The following TRIM49 variants were observed in gnomAD, a reference collection of about 807,000 sequenced individuals.
TRIM49 encodes tripartite motif containing 49.
TRIM49 carries 5 observed loss-of-function variants against 27.4 expected under a neutral mutation model. The observed-to-expected ratio is 0.18, with a 90% confidence interval of 0.10 to 0.38. TRIM49 has a LOEUF of 0.38. TRIM49 is among the 10% of genes least tolerant of loss of function. TRIM49 has a pLI of 1.00. For missense variants in TRIM49, 188 were observed against 487.5 expected, an observed-to-expected ratio of 0.39 and a Z score of 5.79; for synonymous variants, 69 against 166.0, an observed-to-expected ratio of 0.42 and a Z score of 4.49.
intron 1 of TRIM49, 63 bp downstream of exon 1, chr11:89,808,374 C>T (rs1284780071): frequency 2.0e-5 from 3 of 149,196 alleles, no homozygotes; most frequent in Non-Finnish European, 4.4e-5. Context: ...AAAGCAGAAC[C>T]CATAAGATAT....
chr11:89,798,266 C>A lies in TRIM49; in HGVS notation c.1223G>T (p.Arg408Leu), dbSNP rs756095582. The change falls in exon 8 of 8, where the codon CGA (arginine) becomes CTA (leucine). Residue 408 changes from arginine to leucine, a missense_variant. Arg to Leu is a moderately radical substitution (Grantham distance 102). This residue lies in a region of TRIM49 where 94 missense variants were observed against 149.6 expected (regional missense o/e 0.63). Coordinates refer to ENST00000329758, the MANE Select transcript of TRIM49 (RefSeq NM_020358.2). ...MLQYIPKPTS[R>L]VGLFLDCEAK... is the part of the protein sequence containing the mutation. ...CTCACAATCCAGGAATAATCCTACT[C>A]GGCTGGTAGGTTTTGGGATATATTG... The A allele has an allele frequency of 1.3e-5, 20 of 1,576,956 alleles. 1 individual carries two copies. Among genetic ancestry groups the A allele is most frequent in the Non-Finnish European group, 1.6e-5 (19 of 1,168,528 alleles).
rs1429399192 is a variant in TRIM49 at position 89,807,254 on chromosome 11, G to A, written c.-160C>T. The stretch of plus-strand genomic sequence containing the variant: ...GTCCTTCTCCTTCAGAGAAAACTGA[G>A]CTTGTCTCTTCCGTGTCCTTTTATA... On this transcript the variant is annotated 5_prime_UTR_variant, in exon 2 of 8. Coordinates refer to ENST00000329758, the MANE Select transcript of TRIM49 (RefSeq NM_020358.2). 2 of 152,174 alleles carry A rather than the reference G, an allele frequency of 1.3e-5. No individual in the cohort carries two copies. Among genetic ancestry groups the A allele is most frequent in the Admixed American group, 1.3e-4 (2 of 15,236 alleles). The allele number at this position is 152,174 out of a possible 1,614,324, so 9.4% of individuals were successfully genotyped here.
chr11:89,790,336 C>T, the TRIM49 span, among the ~76,000 whole-genome samples: 81 of 143,836 alleles, frequency 5.6e-4, no homozygotes, highest in East Asian at 1.6e-3. Context: ...GGGGGCAGGG[C>T]ATAGCTGAAC....
At chr11:89,799,988 A>T (rs1372579383) in intron 6 of TRIM49, among the ~76,000 whole-genome samples, 175 bp from the exon 7 acceptor site, 1 of 151,124 alleles carries the variant, frequency 6.6e-6, no homozygotes, top group Non-Finnish European at 1.5e-5. Flanking sequence ...TTAAAGCATG[A>T]TGGAAGAATC....
chr11:89,807,858 A>G (rs1452723281), intron 1 of TRIM49, among the ~76,000 whole-genome samples: 2 of 147,904 alleles, frequency 1.4e-5, no homozygotes, highest in Non-Finnish European at 3.0e-5. Context: ...TAGTACATTT[A>G]TAGGATATTT....
the TRIM49 span, among the ~76,000 whole-genome samples, chr11:89,770,197 T>C: frequency 8.4e-6 from 1 of 119,154 alleles, no homozygotes; most frequent in Non-Finnish European, 1.6e-5. Flanking sequence ...TTACCTTCAG[T>C]ATTCTGAGTA....
intron 2 of TRIM49, among the ~76,000 whole-genome samples, chr11:89,805,134 T>C (rs1294744752): frequency 6.6e-6 from 1 of 151,700 alleles, no homozygotes; most frequent in African/African-American, 2.4e-5. Context: ...GTTTCACTAG[T>C]AGGGAAAAGA....
the TRIM49 span, among the ~76,000 whole-genome samples, chr11:89,768,506 A>G: frequency 2.1e-4 from 28 of 134,566 alleles, no homozygotes; most frequent in East Asian, 3.4e-3. Context: ...TTGCCACCAA[A>G]TAGTTGATCT....
chr11:89,777,843 A>G, the TRIM49 span: 2 of 490,834 alleles, frequency 4.1e-6, no homozygotes, highest in East Asian at 4.0e-5. Context: ...TCTTTCAATT[A>G]CAGCCTTTTT....
intron 4 of TRIM49, among the ~76,000 whole-genome samples, chr11:89,802,888 G>T (rs1949750251): frequency 6.7e-6 from 1 of 149,182 alleles, no homozygotes; most frequent in East Asian, 2.0e-4. Context: ...TTGACAATTT[G>T]ACTCTCTTAT....
chr11:89,770,641 C>T, the TRIM49 span, among the ~76,000 whole-genome samples: 1 of 141,428 alleles, frequency 7.1e-6, no homozygotes. Context: ...GGGCGGATCA[C>T]GACGTCAGGA....
the TRIM49 span, among the ~76,000 whole-genome samples, chr11:89,790,668 A>C: frequency 2.3e-3 from 353 of 151,922 alleles, no homozygotes; most frequent in Non-Finnish European, 2.5e-3. Context: ...GAAAACTCCA[A>C]CAGACCTGCA....
chr11:89,777,546 A>G, the TRIM49 span, among the ~76,000 whole-genome samples: 2 of 147,278 alleles, frequency 1.4e-5, no homozygotes, highest in African/African-American at 5.1e-5. Context: ...TTGCTGGCTA[A>G]TTTGGCACTC....
At chr11:89,791,302 G>A in the TRIM49 span, among the ~76,000 whole-genome samples, 623 of 152,124 alleles carry the variant, frequency 4.1e-3, no homozygotes, top group African/African-American at 0.014. Context: ...GTATGGATAC[G>A]AGTTGGAAAA....
the TRIM49 span, among the ~76,000 whole-genome samples, chr11:89,770,722 T>C: frequency 4.3e-5 from 6 of 140,348 alleles, no homozygotes; most frequent in Admixed American, 3.5e-4. Flanking sequence ...AAAAATTAGC[T>C]GGGCGTGGTG....
chr11:89,774,002 T>C, the TRIM49 span, among the ~76,000 whole-genome samples: 28 of 130,094 alleles, frequency 2.2e-4, 1 homozygote, highest in Admixed American at 1.9e-3. Flanking sequence ...AAAATATTTC[T>C]TTTTTTTTTT....
At chr11:89,800,116 C>T in intron 6 of TRIM49, among the ~76,000 whole-genome samples, 1 of 150,464 alleles carries the variant, frequency 6.6e-6, no homozygotes, top group Non-Finnish European at 1.5e-5. Context: ...CACTTCTTGG[C>T]AGACTCCCCT....
At chr11:89,803,999 T>C in intron 3 of TRIM49, 60 bp downstream of exon 3, 2 of 1,611,468 alleles carry the variant, frequency 1.2e-6, no homozygotes, top group South Asian at 1.1e-5. Context: ...TCCAAGAAAA[T>C]AGACCCACAG....
intron 2 of TRIM49, among the ~76,000 whole-genome samples, chr11:89,805,198 C>A (rs1213859958): frequency 1.3e-5 from 2 of 151,046 alleles, no homozygotes; most frequent in Non-Finnish European, 2.9e-5. Flanking sequence ...AAATTAACTT[C>A]CCCTAGGGCT....
Sources: allele counts gnomAD v4.1 joint callset (sites outside exome capture counted in the v4.1 genomes callset), GRCh38; gene constraint gnomAD v4.1.1; regional missense constraint gnomAD v4.1.1; transcripts MANE v1.5; gene names NCBI Gene and HGNC (gene_info 2026-07-23, HGNC 2026-07-21).